Variants in KDM2B observed in about 807,000 individuals in gnomAD.
KDM2B encodes the protein lysine-specific demethylase 2B.
KDM2B carries 26 observed loss-of-function variants against 150.0 expected under a neutral mutation model. That is an observed-to-expected ratio of 0.17 (90% CI 0.13 to 0.24). The LOEUF is 0.24. KDM2B is among the 10% of genes least tolerant of loss of function. KDM2B has a pLI of 1.00. For missense variants in KDM2B, 1,265 were observed against 1,816.9 expected (o/e 0.70, Z 5.52); for synonymous variants, 734 against 729.5 (o/e 1.01, Z -0.10).
intron 12 of KDM2B, among the ~76,000 whole-genome samples, chr12:121,475,282 C>A (rs371870521): frequency 2.7e-5 from 4 of 150,248 alleles, no homozygotes; most frequent in African/African-American, 9.8e-5. Context: ...AATGGACACA[C>A]AAAAAAACTA....
At chr12:121,525,682 G>A (rs964283953) in intron 8 of KDM2B, among the ~76,000 whole-genome samples, 1 of 152,124 alleles carries the variant, frequency 6.6e-6, no homozygotes, top group African/African-American at 2.4e-5. Flanking sequence ...AACCCATCCA[G>A]TCCCCTTCCC....
chr12:121,444,669 C>CA (rs1555289715), intron 14 of KDM2B, 133 bp from the exon 15 acceptor site: 4 of 720,958 alleles, frequency 5.5e-6, no homozygotes, highest in Non-Finnish European at 9.7e-6. Context: ...CGTTTCCAGG[C>CA]AAAAGAAAAC....
At chr12:121,547,932 C>T (rs1166126098) in intron 6 of KDM2B, among the ~76,000 whole-genome samples, 1 of 152,078 alleles carries the variant, frequency 6.6e-6, no homozygotes, top group Non-Finnish European at 1.5e-5. Flanking sequence ...TGAGCCACCC[C>T]GCCCGGCCTC....
chr12:121,428,676 C>T (rs1272735226), downstream of KDM2B, among the ~76,000 whole-genome samples: 1 of 152,138 alleles, frequency 6.6e-6, no homozygotes, highest in East Asian at 1.9e-4. Flanking sequence ...ACATCGCCAG[C>T]AGGGTCCTGT....
At chr12:121,448,486 G>A (rs1327507193) in intron 13 of KDM2B, among the ~76,000 whole-genome samples, 1 of 151,816 alleles carries the variant, frequency 6.6e-6, no homozygotes, top group Non-Finnish European at 1.5e-5. Flanking sequence ...AGAGCATGAA[G>A]GGGTCCCTGA....
Position 121,472,730 on chromosome 12 carries a change from C to T in KDM2B, c.1735-19386G>A, listed in dbSNP as rs191843485. On this transcript the variant is annotated intron_variant, in intron 12 of 22. Transcript: ENST00000377071. ...CCACCACTCACCCCATTCCCAATGC[C>T]TTTGCTGACCTTAGAAAGTTACTTC... 8.3e-4 allele frequency among the ~76,000 whole-genome samples: 127 copies of T among 152,294 alleles called. 1 individual carries two copies. The highest frequency in any genetic ancestry group is 3.0e-3 in the African/African-American group (124 of 41,566).
chr12:121,498,751 A>G (rs1171317533), intron 11 of KDM2B, among the ~76,000 whole-genome samples: 2 of 152,202 alleles, frequency 1.3e-5, no homozygotes, highest in African/African-American at 4.8e-5. Context: ...ATATTTAGTT[A>G]CAAAAAGTTA....
intron 12 of KDM2B, among the ~76,000 whole-genome samples, chr12:121,455,804 T>G (rs528592327): frequency 6.6e-5 from 10 of 152,256 alleles, no homozygotes; most frequent in Admixed American, 2.0e-4. Flanking sequence ...GGGGGCCAAG[T>G]CCACCACACA....
chr12:121,581,040 C>CCAGA, upstream of KDM2B: 2 of 1,306,706 alleles, frequency 1.5e-6, no homozygotes, highest in Non-Finnish European at 2.1e-6. Context: ...TACAGCCAGA[C>CCAGA]CAGAGCCTTT....
chr12:121,568,192 G>C (rs1890845751), intron 4 of KDM2B, among the ~76,000 whole-genome samples: 1 of 152,144 alleles, frequency 6.6e-6, no homozygotes, highest in Non-Finnish European at 1.5e-5. Flanking sequence ...ACAAAGGCCA[G>C]GTGCAGTGGC....
At chr12:121,481,943 T>A (rs1593900524) in intron 12 of KDM2B, among the ~76,000 whole-genome samples, 2 of 152,248 alleles carry the variant, frequency 1.3e-5, no homozygotes, top group South Asian at 4.1e-4. Context: ...CACATCCAGC[T>A]AATTTTTTAG....
intron 12 of KDM2B, among the ~76,000 whole-genome samples, chr12:121,460,594 G>A (rs553389868): frequency 5.3e-4 from 80 of 151,938 alleles, no homozygotes; most frequent in African/African-American, 1.8e-3. Context: ...TTTTTTGAGC[G>A]ACGGAGTCCC....
rs1048559768 is a variant in KDM2B at position 121,442,196 on chromosome 12, A to C, written c.3245T>G (p.Leu1082Arg). ...AVFSYLSHQD[L>R]CVCMRVCRTW... ...CCTGCAGACCCGCATGCACACACAC[A>C]GGTCTTGGTGGCTGAGGTAGCTGAA... The change falls in exon 19 of 23, where the codon CTG (leucine) becomes CGG (arginine). Residue 1082 changes from leucine to arginine, a missense_variant. By Grantham distance (102) the Leu-to-Arg change is moderately radical (BLOSUM62 -2). Coordinates refer to ENST00000377071, the MANE Select transcript of KDM2B (RefSeq NM_032590.5). The surrounding 1 kb of genome is among the most constrained non-coding windows in gnomAD (Gnocchi z 7.7). The C allele has an allele frequency of 6.2e-7, 1 of 1,612,990 alleles. No individual in the cohort carries two copies. Among genetic ancestry groups the C allele is most frequent in the African/African-American group, 1.3e-5 (1 of 74,726 alleles).
chr12:121,449,101 G>C (rs1309731811), intron 13 of KDM2B, among the ~76,000 whole-genome samples: 3 of 152,068 alleles, frequency 2.0e-5, no homozygotes, highest in East Asian at 1.9e-4. Context: ...GTGGTGGGGT[G>C]GGGCAGATGG....
downstream of KDM2B, among the ~76,000 whole-genome samples, chr12:121,426,681 A>C (rs1872530654): frequency 6.8e-6 from 1 of 146,890 alleles, no homozygotes; most frequent in Admixed American, 6.9e-5. Context: ...GCTGAAGTTC[A>C]ATGGTGCAAT....
intron 12 of KDM2B, among the ~76,000 whole-genome samples, chr12:121,466,570 CCGGCCCGCGG>C (rs2139435497): frequency 6.6e-6 from 1 of 151,812 alleles, no homozygotes; most frequent in Non-Finnish European, 1.5e-5. Context: ...GTGGCCCGCG[CCGGCCCGCGG>C]CTCGCACCCC....
downstream of KDM2B, among the ~76,000 whole-genome samples, chr12:121,426,444 TCC>T (rs1246536927): frequency 2.6e-5 from 3 of 114,028 alleles, no homozygotes; most frequent in African/African-American, 1.2e-4. Context: ...TTCTACCCCC[TCC>T]CCCCCCTTTT....
At chr12:121,536,692 C>A (rs1238980315) in intron 6 of KDM2B, among the ~76,000 whole-genome samples, 1 of 150,634 alleles carries the variant, frequency 6.6e-6, no homozygotes, top group Non-Finnish European at 1.5e-5. Flanking sequence ...TTAATCTAAC[C>A]TTGGTTTCCA....
At chr12:121,447,574 A>C (rs115495933) in intron 13 of KDM2B, among the ~76,000 whole-genome samples, 5,005 of 152,134 alleles carry the variant, frequency 0.033, 266 homozygotes, top group African/African-American at 0.11. Flanking sequence ...ATCAGACATA[A>C]CAGAGATTTA....
Sources: gnomAD v4.1 joint callset for allele counts (sites outside exome capture counted in the v4.1 genomes callset) on GRCh38, gnomAD v4.1.1 for gene constraint, Gnocchi (gnomAD v3.1) non-coding constraint, MANE v1.5 for transcripts, NCBI Gene and HGNC (gene_info 2026-07-23, HGNC 2026-07-21) for gene names.